The following RPTOR variants were observed in gnomAD, a reference collection of about 807,000 sequenced individuals.
RPTOR encodes regulatory associated protein of MTOR complex 1, also known as regulatory-associated protein of mTOR.
In RPTOR, 21 loss-of-function variants were observed where a neutral mutation model predicts 169.9. The ratio of observed to expected loss-of-function variants is 0.12; its 90% CI spans 0.09 to 0.18. RPTOR has a LOEUF of 0.18. RPTOR is among the 10% of genes least tolerant of loss of function. The probability of loss-of-function intolerance (pLI) is 1.00; values close to 1 mark genes in which losing one functional copy is unlikely to be tolerated. For missense variants in RPTOR, 1,133 were observed against 1,855.9 expected, an observed-to-expected ratio of 0.61 and a Z score of 7.16; for synonymous variants, 732 against 753.2, an observed-to-expected ratio of 0.97 and a Z score of 0.46.
At chr17:80,897,483 G>A (rs957445447) in intron 20 of RPTOR, among the ~76,000 whole-genome samples, 2 of 152,192 alleles carry the variant, frequency 1.3e-5, no homozygotes, top group African/African-American at 4.8e-5. Context: ...TTCTTTGAAT[G>A]TATTTTCTGC....
intron 7 of RPTOR, among the ~76,000 whole-genome samples, chr17:80,793,620 C>A (rs1055822505): frequency 3.3e-5 from 5 of 152,144 alleles, no homozygotes; most frequent in Admixed American, 2.0e-4. Context: ...TGTCCCATCC[C>A]CCCTGGTCAC....
intron 1 of RPTOR, among the ~76,000 whole-genome samples, chr17:80,594,418 A>T (rs1428250409): frequency 6.6e-6 from 1 of 152,166 alleles, no homozygotes; most frequent in Non-Finnish European, 1.5e-5. Context: ...GTAGGAAATG[A>T]CCTTTGAGTT....
intron 3 of RPTOR, among the ~76,000 whole-genome samples, chr17:80,696,800 G>C (rs757789270): frequency 6.6e-6 from 1 of 152,182 alleles, no homozygotes; most frequent in Non-Finnish European, 1.5e-5. Context: ...AACTCCATGC[G>C]GGGCCCACAG....
At chr17:80,805,756 C>T (rs887990084) in intron 7 of RPTOR, 1 of 152,182 alleles carries the variant, frequency 6.6e-6, no homozygotes, top group Non-Finnish European at 1.5e-5. Flanking sequence ...CTCGCTGTGG[C>T]CCCATCTCTC....
chr17:80,874,455 A>G (rs1378138794), intron 13 of RPTOR, among the ~76,000 whole-genome samples: 1 of 152,140 alleles, frequency 6.6e-6, no homozygotes, highest in Non-Finnish European at 1.5e-5. Flanking sequence ...TCGGCCTCCC[A>G]AAGTGCTGGG....
intron 29 of RPTOR, among the ~76,000 whole-genome samples, chr17:80,958,548 C>T (rs1568011225): frequency 3.3e-5 from 5 of 151,108 alleles, no homozygotes; most frequent in African/African-American, 9.7e-5. Flanking sequence ...GTAGCTGGGA[C>T]TACAAGCGCC....
At chr17:80,859,649 A>T (rs998271368) in intron 13 of RPTOR, among the ~76,000 whole-genome samples, 10 of 152,196 alleles carry the variant, frequency 6.6e-5, no homozygotes, top group African/African-American at 2.4e-4. Flanking sequence ...AACCAGCCCC[A>T]GCAACTCATT....
At chr17:80,682,000 C>T (rs1342778636) in intron 3 of RPTOR, among the ~76,000 whole-genome samples, 1 of 151,910 alleles carries the variant, frequency 6.6e-6, no homozygotes, top group African/African-American at 2.4e-5. Flanking sequence ...CTTATCAGTT[C>T]TTTAAAATGA....
chr17:80,850,020 A>G (rs889059083), intron 11 of RPTOR, among the ~76,000 whole-genome samples: 53 of 152,338 alleles, frequency 3.5e-4, no homozygotes, highest in African/African-American at 1.3e-3. Context: ...CTTTTTCAGG[A>G]AAAAGGTGAC....
At chr17:80,851,348 G>C (rs1392965660) in intron 11 of RPTOR, among the ~76,000 whole-genome samples, 3 of 152,164 alleles carry the variant, frequency 2.0e-5, no homozygotes, top group African/African-American at 7.2e-5. Context: ...GGAACAGGAG[G>C]TTTTTGTTTT....
intron 24 of RPTOR, 45 bp downstream of exon 24, chr17:80,925,525 G>A (rs2068801796): frequency 6.9e-7 from 1 of 1,447,868 alleles, no homozygotes; most frequent in Non-Finnish European, 9.7e-7. Context: ...TAGCGAACAT[G>A]TGTCTGTCCC....
At chr17:80,611,008 A>T (rs1599600227) in intron 1 of RPTOR, among the ~76,000 whole-genome samples, 1 of 152,246 alleles carries the variant, frequency 6.6e-6, no homozygotes, top group East Asian at 1.9e-4. Context: ...TATTACCTGG[A>T]AACTAATTTC....
intron 4 of RPTOR, among the ~76,000 whole-genome samples, chr17:80,714,193 G>A (rs144601737): frequency 5.9e-5 from 9 of 152,212 alleles, no homozygotes; most frequent in African/African-American, 2.2e-4. Flanking sequence ...TGCCGGCCTC[G>A]GCCTCCTAAA....
intron 19 of RPTOR, among the ~76,000 whole-genome samples, 182 bp from the exon 20 acceptor site, chr17:80,893,525 G>A (rs1007313450): frequency 1.4e-5 from 2 of 147,942 alleles, no homozygotes; most frequent in African/African-American, 5.0e-5. Flanking sequence ...GTGTGTGTAT[G>A]TCGGGTGTGT....
At chr17:80,709,874 T>C (rs995950808) in intron 4 of RPTOR, among the ~76,000 whole-genome samples, 6 of 152,234 alleles carry the variant, frequency 3.9e-5, no homozygotes, top group Non-Finnish European at 7.3e-5. Context: ...GAGGGAATTC[T>C]TTGTATTCCA....
At chr17:80,767,594 C>T (rs557692821) in intron 6 of RPTOR, among the ~76,000 whole-genome samples, 1 of 152,274 alleles carries the variant, frequency 6.6e-6, no homozygotes, top group Admixed American at 6.5e-5. Flanking sequence ...ACCCCGCACC[C>T]AGATATCTTT....
chr17:80,706,314 T>C (rs2066141711), intron 3 of RPTOR, among the ~76,000 whole-genome samples: 1 of 152,116 alleles, frequency 6.6e-6, no homozygotes. Context: ...TTCTTCTTTG[T>C]TGGGAGTTCA....
At chr17:80,795,334 A>C (rs1481247646) in intron 7 of RPTOR, among the ~76,000 whole-genome samples, 1 of 152,186 alleles carries the variant, frequency 6.6e-6, no homozygotes, top group East Asian at 1.9e-4. Flanking sequence ...CCACCGTGGG[A>C]TGTTAGTCAT....
rs2084261943 is a variant in RPTOR, at chr17:80,545,412, C to G, written c.-218C>G. ...GTCTGCGGAGCTTCTTGGGCTGCCC[C>G]ATTTCCTAGCGGCCCCCACCTCCCC... On this transcript the variant is annotated 5_prime_UTR_variant, in exon 1 of 34. Coordinates refer to ENST00000306801, the MANE Select transcript of RPTOR (RefSeq NM_020761.3). 1 of 454,190 alleles carries G rather than the reference C, an allele frequency of 2.2e-6. No individual in the cohort carries two copies. The highest frequency in any genetic ancestry group is 2.0e-5 in the African/African-American group (1 of 49,552). 28.1% of individuals were successfully genotyped at this position (454,190 alleles called of 1,614,324 possible).
Sources: allele counts gnomAD v4.1 joint callset (sites outside exome capture counted in the v4.1 genomes callset), GRCh38; gene constraint gnomAD v4.1.1; transcripts MANE v1.5; gene names NCBI Gene and HGNC (gene_info 2026-07-23, HGNC 2026-07-21).